The following DLGAP1 variants were observed in gnomAD, a reference collection of about 807,000 sequenced individuals.
DLGAP1 encodes DLG associated protein 1.
Under a neutral mutation model 90.8 loss-of-function variants are expected in DLGAP1, and 11 were observed. The ratio of observed to expected loss-of-function variants is 0.12; its 90% CI spans 0.08 to 0.20. The LOEUF is 0.20. Ranked by LOEUF, DLGAP1 falls within the 10% of genes least tolerant of loss-of-function variation. The pLI, the probability that DLGAP1 is intolerant of heterozygous loss-of-function variation, is 1.00. For missense variants in DLGAP1, 1,050 were observed against 1,333.8 expected, an observed-to-expected ratio of 0.79 and a Z score of 3.31; for synonymous variants, 558 against 540.7, an observed-to-expected ratio of 1.03 and a Z score of -0.44.
intron 8 of DLGAP1, among the ~76,000 whole-genome samples, chr18:3,574,898 T>C (rs2055025298): frequency 1.3e-5 from 2 of 151,002 alleles, no homozygotes; most frequent in Non-Finnish European, 3.0e-5. Flanking sequence ...CACTGCAAGC[T>C]CCACCTCCCG....
intron 10 of DLGAP1, among the ~76,000 whole-genome samples, chr18:3,510,854 A>G (rs2050500712): frequency 6.6e-6 from 1 of 152,254 alleles, no homozygotes. Flanking sequence ...GTGATTCTCA[A>G]AAGAGGAGAC....
intron 7 of DLGAP1, chr18:3,655,464 A>G (rs2059449932): frequency 6.6e-6 from 1 of 152,154 alleles, no homozygotes; most frequent in South Asian, 2.1e-4. Flanking sequence ...CTTTCCTTAA[A>G]TTCTTCTTCC....
chr18:4,235,354 C>T (rs1336329601), intron 1 of DLGAP1, among the ~76,000 whole-genome samples: 1 of 152,132 alleles, frequency 6.6e-6, no homozygotes, highest in Non-Finnish European at 1.5e-5. Flanking sequence ...GCACTCCCTC[C>T]CCTCAAATGT....
At chr18:4,184,600 T>C (rs1011373970) in intron 1 of DLGAP1, among the ~76,000 whole-genome samples, 5 of 152,090 alleles carry the variant, frequency 3.3e-5, no homozygotes, top group African/African-American at 7.2e-5. Flanking sequence ...GATAAGCCTA[T>C]ATAGAGAGTA....
At chr18:3,656,005 A>G in intron 7 of DLGAP1, 1 of 1,381,586 alleles carries the variant, frequency 7.2e-7, no homozygotes, top group Non-Finnish European at 9.8e-7. Context: ...CACCACTGCC[A>G]CAGAAGCTTT....
intron 12 of DLGAP1, among the ~76,000 whole-genome samples, chr18:3,501,617 G>T (rs2049937716): frequency 1.3e-5 from 2 of 152,308 alleles, no homozygotes; most frequent in South Asian, 4.1e-4. Context: ...ATTGCTGTTA[G>T]CTTTCTGGTA....
At chr18:4,009,789 C>G (rs1303810848) in intron 2 of DLGAP1, among the ~76,000 whole-genome samples, 1 of 152,198 alleles carries the variant, frequency 6.6e-6, no homozygotes, top group African/African-American at 2.4e-5. Flanking sequence ...ATCCACCACC[C>G]TCCCAGGAAT....
At chr18:4,128,418 T>C (rs1191457114) in intron 2 of DLGAP1, among the ~76,000 whole-genome samples, 1 of 152,150 alleles carries the variant, frequency 6.6e-6, no homozygotes, top group Non-Finnish European at 1.5e-5. Context: ...TTGTTGCCAA[T>C]TCCCCTCTGA....
At chr18:4,087,048 CACAT>C (rs1271969315) in intron 2 of DLGAP1, among the ~76,000 whole-genome samples, 1 of 104,988 alleles carries the variant, frequency 9.5e-6, no homozygotes, top group Non-Finnish European at 2.1e-5. Context: ...TATACACAAA[CACAT>C]ATATATATAC....
chr18:4,111,147 T>C (rs1287051935), intron 2 of DLGAP1, among the ~76,000 whole-genome samples: 1 of 152,220 alleles, frequency 6.6e-6, no homozygotes, highest in East Asian at 1.9e-4. Context: ...TCATATACTT[T>C]TTCTGTGTCT....
intron 1 of DLGAP1, among the ~76,000 whole-genome samples, chr18:4,400,797 A>G (rs1361524881): frequency 6.6e-6 from 1 of 152,180 alleles, no homozygotes; most frequent in Non-Finnish European, 1.5e-5. Flanking sequence ...TGCATGTATA[A>G]CAACCTCCAC....
intron 3 of DLGAP1, among the ~76,000 whole-genome samples, chr18:3,895,606 TG>T (rs2148868273): frequency 6.6e-6 from 1 of 152,346 alleles, no homozygotes; most frequent in African/African-American, 2.4e-5. Context: ...GATATTTTCA[TG>T]GGAAAAGTGT....
chr18:4,125,743 C>T (rs192048007), intron 2 of DLGAP1, among the ~76,000 whole-genome samples: 37 of 152,292 alleles, frequency 2.4e-4, no homozygotes, highest in Middle Eastern at 3.4e-3. Flanking sequence ...GTTGAAGAAA[C>T]TAGATTGAAG....
At chr18:4,303,677 C>T (rs1046563639) in intron 1 of DLGAP1, among the ~76,000 whole-genome samples, 1 of 152,186 alleles carries the variant, frequency 6.6e-6, no homozygotes, top group African/African-American at 2.4e-5. Flanking sequence ...AGGGAATGAA[C>T]CCTGGTGTGG....
intron 2 of DLGAP1, among the ~76,000 whole-genome samples, chr18:4,044,439 A>G (rs2075018855): frequency 6.6e-6 from 1 of 152,168 alleles, no homozygotes; most frequent in South Asian, 2.1e-4. Context: ...CAACAGACAC[A>G]CTTGTTAAAA....
intron 1 of DLGAP1, among the ~76,000 whole-genome samples, chr18:4,282,747 G>T (rs1204201427): frequency 1.2e-4 from 19 of 152,184 alleles, no homozygotes; most frequent in Non-Finnish European, 7.3e-5. Flanking sequence ...ATAACTGGGG[G>T]CTGGCATTGC....
At chr18:3,912,687 CAT>C (rs1472026839) in intron 3 of DLGAP1, among the ~76,000 whole-genome samples, 2 of 152,156 alleles carry the variant, frequency 1.3e-5, no homozygotes, top group Non-Finnish European at 2.9e-5. Flanking sequence ...CTGATGGAAA[CAT>C]ATGGAACTGT....
rs1000753038 is a variant in DLGAP1, at chr18:3,711,974, G to A, written c.1591+17161C>T. On this transcript the variant is annotated intron_variant, in intron 7 of 12. Coordinates refer to ENST00000315677, the MANE Select transcript of DLGAP1 (RefSeq NM_004746.4). This position sits in a 1 kb window ranked among gnomAD's most constrained non-coding sequence, Gnocchi z 4.0. ...TACAGAAATGTATAAGGAGGCATGAGTCCTAACAAACTATTCCTGGGTTCT... is the reference window on the plus strand; with the variant it reads ...TACAGAAATGTATAAGGAGGCATGAATCCTAACAAACTATTCCTGGGTTCT... 2.6e-5 allele frequency among the ~76,000 whole-genome samples: 4 copies of A among 152,192 alleles called. No individual in the cohort carries two copies. Among genetic ancestry groups the A allele is most frequent in the Non-Finnish European group, 5.9e-5 (4 of 68,044 alleles).
chr18:4,328,652 A>G (rs557476), intron 1 of DLGAP1, among the ~76,000 whole-genome samples: 33,337 of 151,866 alleles, frequency 0.22, 3,757 homozygotes, highest in Middle Eastern at 0.28. Context: ...ACCATTGTGC[A>G]TTTCTACCAG....
Sources: allele counts gnomAD v4.1 joint callset (sites outside exome capture counted in the v4.1 genomes callset), GRCh38; gene constraint gnomAD v4.1.1; non-coding constraint Gnocchi (gnomAD v3.1); transcripts MANE v1.5; gene names NCBI Gene and HGNC (gene_info 2026-07-23, HGNC 2026-07-21).